Variants in SP3 observed in about 807,000 individuals in gnomAD.
The protein encoded by SP3 is Sp3 transcription factor.
SP3 carries 10 observed loss-of-function variants against 70.3 expected under a neutral mutation model. The observed-to-expected ratio is 0.14, with a 90% CI of 0.09 to 0.24. SP3 has a LOEUF of 0.24. Among genes scored for constraint, SP3 ranks in the 10% least tolerant of loss-of-function variants. The pLI is 1.00. For missense variants in SP3, 825 were observed against 914.6 expected (o/e 0.90, Z 1.26); for synonymous variants, 402 against 333.5 (o/e 1.21, Z -2.24).
intron 6 of SP3, among the ~76,000 whole-genome samples, chr2:173,910,729 ACAC>A (rs1689455554): frequency 6.6e-6 from 1 of 152,238 alleles, no homozygotes; most frequent in Non-Finnish European, 1.5e-5. Flanking sequence ...TAAAGAAATG[ACAC>A]CACAAGCTTG....
intron 4 of SP3, among the ~76,000 whole-genome samples, chr2:173,924,533 ACTATT>A (rs1483527593): frequency 6.6e-6 from 1 of 152,232 alleles, no homozygotes; most frequent in Non-Finnish European, 1.5e-5. Flanking sequence ...CTTGTAGAGC[ACTATT>A]CTAAGTGTTT....
At chr2:173,957,436 T>C (rs1690932288) in intron 3 of SP3, among the ~76,000 whole-genome samples, 1 of 152,100 alleles carries the variant, frequency 6.6e-6, no homozygotes, top group African/African-American at 2.4e-5. Flanking sequence ...AGTATTAGAA[T>C]ATAAGATTTT....
rs1233416745 is a variant in SP3, at chr2:173,902,426, G to C, written c.*7515C>G. 2.0e-5 allele frequency among the ~76,000 whole-genome samples: 3 copies of C among 152,214 alleles called. No individual in the cohort carries two copies. The highest frequency in any genetic ancestry group is 7.2e-5 in the African/African-American group (3 of 41,462). On this transcript the variant is annotated 3_prime_UTR_variant, in exon 7 of 7. Transcript: ENST00000310015. ...ATGGAGATCAATTTGGAAGTATCTGGTGAAACTGAAGATTAAGAATATCCT... is the reference window on the plus strand; with the variant it reads ...ATGGAGATCAATTTGGAAGTATCTGCTGAAACTGAAGATTAAGAATATCCT...
rs1559086118 is a variant in SP3, at chr2:173,906,825, T to A, written c.*3116A>T. On this transcript the variant is annotated 3_prime_UTR_variant, in exon 7 of 7. Coordinates refer to ENST00000310015, the MANE Select transcript of SP3 (RefSeq NM_003111.5). ...TTTCAAAACACATATACACTCCATC[T>A]CCAGAGATGTTGATTTAGTAAGCTG... 2 of 152,194 alleles carry A rather than the reference T, an allele frequency of 1.3e-5. No individual in the cohort carries two copies. The highest frequency in any genetic ancestry group is 4.1e-4 in the South Asian group (2 of 4,830). The allele number at this position is 152,194 out of a possible 1,614,324, so 9.4% of individuals were successfully genotyped here. A position where few individuals can be genotyped will look rare whatever the true frequency, so the allele number is the denominator to read the frequency against.
intron 4 of SP3, among the ~76,000 whole-genome samples, chr2:173,947,624 C>T (rs1006419219): frequency 2.0e-5 from 3 of 152,140 alleles, no homozygotes; most frequent in African/African-American, 7.2e-5. Context: ...ATCTCACTGA[C>T]AATTGCAAGC....
intron 1 of SP3, chr2:173,964,767 CTCT>C (rs1691234244): frequency 2.2e-6 from 1 of 444,908 alleles, no homozygotes; most frequent in Non-Finnish European, 3.9e-6. Context: ...CCTCCTCCTC[CTCT>C]TTCCCTCCTC....
intron 4 of SP3, among the ~76,000 whole-genome samples, chr2:173,929,245 G>T (rs1023222548): frequency 6.6e-6 from 1 of 152,190 alleles, no homozygotes; most frequent in Non-Finnish European, 1.5e-5. Flanking sequence ...TTAAAGGAAA[G>T]GGCAATTCAA....
chr2:173,964,810 TCTC>T (rs952200647), intron 1 of SP3: 13 of 444,588 alleles, frequency 2.9e-5, no homozygotes, highest in African/African-American at 2.4e-4. Context: ...CCCTGCCCCC[TCTC>T]CTCTCCTCCC....
chr2:173,965,405 G>C, upstream of SP3: 1 of 559,650 alleles, frequency 1.8e-6, no homozygotes. Flanking sequence ...CCTCTTCTTG[G>C]CTCTCATTCG....
In SP3 at chr2:173,930,635, C is replaced by T. The variant is rs79508021; in HGVS notation, c.1640-11850G>A. Among the ~76,000 whole-genome samples, 73 of 152,296 alleles carry T rather than the reference C, an allele frequency of 4.8e-4. 1 individual carries two copies. In the East Asian group the frequency reaches 0.013, roughly 28 times the overall value. ...CAAATGCATTAAATATATTACTTGC[C>T]TTCCAAGTTACTGCACGTTAAGTTT... is the stretch of plus-strand genomic sequence containing the variant. On this transcript the variant is annotated intron_variant, in intron 4 of 6. Coordinates refer to ENST00000310015, the MANE Select transcript of SP3 (RefSeq NM_003111.5).
intron 4 of SP3, among the ~76,000 whole-genome samples, chr2:173,942,943 ATAAG>A (rs1261749338): frequency 6.6e-6 from 1 of 152,220 alleles, no homozygotes; most frequent in African/African-American, 2.4e-5. Context: ...ATTAGGTATT[ATAAG>A]TAACTAAGAG....
chr2:173,955,128 T>C lies in SP3; in HGVS notation c.1384A>G (p.Thr462Ala). The C allele has an allele frequency of 6.2e-7, 1 of 1,614,236 alleles. No homozygotes were observed. Among genetic ancestry groups the C allele is most frequent in the East Asian group, 2.2e-5 (1 of 44,892 alleles). Residue 462 changes from threonine to alanine, a missense_variant, in exon 4 of 7, where the codon ACT becomes GCT. Transcript: ENST00000310015. ...CCTTGTACTTGAAACGTTTGCCAAG[T>C]TACCTGTCCAGAAGGGGTCACTGTC... is the stretch of plus-strand genomic sequence containing the variant. ...AQTVTPSGQV[T>A]WQTFQVQGVQ...
At chr2:173,950,111 T>C (rs1167357740) in intron 4 of SP3, among the ~76,000 whole-genome samples, 1 of 152,002 alleles carries the variant, frequency 6.6e-6, no homozygotes, top group African/African-American at 2.4e-5. Flanking sequence ...TATGTAAGAT[T>C]AGTAGGGTTT....
rs1361320176 is a variant in SP3, at chr2:173,902,627, G to A, written c.*7314C>T. Among the ~76,000 whole-genome samples, 2 of 152,196 alleles carry A rather than the reference G, an allele frequency of 1.3e-5. No individual in the cohort carries two copies. Among genetic ancestry groups the A allele is most frequent in the Non-Finnish European group, 2.9e-5 (2 of 68,028 alleles). On this transcript the variant is annotated 3_prime_UTR_variant, in exon 7 of 7. Transcript: ENST00000310015. ...TGATAAACTTATTCAATGAACTACA[G>A]CATTTAAATGAATGATTTAGAGAAA...
intron 4 of SP3, among the ~76,000 whole-genome samples, chr2:173,935,134 C>A (rs1198872262): frequency 1.3e-5 from 2 of 152,004 alleles, no homozygotes; most frequent in African/African-American, 4.8e-5. Context: ...AATTGGAGGC[C>A]GAGGCGGGAG....
At chr2:173,929,612 G>A (rs954235902) in intron 4 of SP3, among the ~76,000 whole-genome samples, 6 of 152,194 alleles carry the variant, frequency 3.9e-5, no homozygotes, top group Non-Finnish European at 7.3e-5. Context: ...ATTGTGCAAG[G>A]GCTCTCTGTC....
At chr2:173,911,709 C>A (rs1474641027) in intron 6 of SP3, among the ~76,000 whole-genome samples, 2 of 152,036 alleles carry the variant, frequency 1.3e-5, no homozygotes, top group African/African-American at 4.8e-5. Flanking sequence ...GTTAACAGGG[C>A]CATCATAAGA....
chr2:173,928,868 T>C (rs1689991584), intron 4 of SP3, among the ~76,000 whole-genome samples: 1 of 152,244 alleles, frequency 6.6e-6, no homozygotes, highest in African/African-American at 2.4e-5. Flanking sequence ...ATTCAAACAT[T>C]TATTGAACAA....
chr2:173,933,647 T>TATATATATATAA (rs1553516847), intron 4 of SP3, among the ~76,000 whole-genome samples: 2 of 133,342 alleles, frequency 1.5e-5, no homozygotes, highest in Non-Finnish European at 3.1e-5. Context: ...TTTATATATA[T>TATATATATATAA]ATATATATAT....
Sources: allele counts gnomAD v4.1 joint callset (sites outside exome capture counted in the v4.1 genomes callset), GRCh38; gene constraint gnomAD v4.1.1; transcripts MANE v1.5; gene names NCBI Gene and HGNC (gene_info 2026-07-23, HGNC 2026-07-21).